ZNF804B: variants seen among roughly 807,000 people sequenced by gnomAD.
ZNF804B encodes zinc finger 804B.
ZNF804B carries 80 observed loss-of-function variants against 101.4 expected under a neutral mutation model. The observed-to-expected ratio is 0.79, with a 90% CI of 0.66 to 0.95. The LOEUF (loss-of-function observed/expected upper bound fraction) is 0.95, where lower values mean the gene tolerates loss of function less well. ZNF804B is among the 40% of genes least tolerant of loss of function. The probability of loss-of-function intolerance (pLI) is 0.00; values close to 1 mark genes in which losing one functional copy is unlikely to be tolerated. For synonymous variants in ZNF804B, 622 were observed against 558.8 expected (o/e 1.11, Z -1.59); for missense variants, 1,673 against 1,561.9 (o/e 1.07, Z -1.20).
chr7:89,200,739 C>T (rs772482201), intron 1 of ZNF804B, among the ~76,000 whole-genome samples: 1 of 151,906 alleles, frequency 6.6e-6, no homozygotes, highest in Non-Finnish European at 1.5e-5. Context: ...TTCTGTCCAC[C>T]GCCAACATAT....
intron 1 of ZNF804B, among the ~76,000 whole-genome samples, chr7:89,099,320 A>G (rs1241255586): frequency 6.6e-6 from 1 of 152,102 alleles, no homozygotes; most frequent in African/African-American, 2.4e-5. Context: ...ATACAAATAT[A>G]TAATAAAAGG....
At chr7:89,084,821 A>C (rs975840424) in intron 1 of ZNF804B, among the ~76,000 whole-genome samples, 1 of 151,818 alleles carries the variant, frequency 6.6e-6, no homozygotes, top group Non-Finnish European at 1.5e-5. Context: ...TATGATTTCT[A>C]TTTTTCACAT....
At chr7:89,035,881 T>TAATATA (rs1788917758) in intron 1 of ZNF804B, among the ~76,000 whole-genome samples, 1 of 146,096 alleles carries the variant, frequency 6.8e-6, no homozygotes, top group South Asian at 2.1e-4. Flanking sequence ...TATTATATAT[T>TAATATA]CATATACATT....
chr7:89,086,865 AT>A (rs1449881916), intron 1 of ZNF804B, among the ~76,000 whole-genome samples: 6 of 151,950 alleles, frequency 3.9e-5, no homozygotes. Flanking sequence ...ATAAAATTGA[AT>A]CTATACCTAA....
chr7:89,294,928 C>A (rs1364371608), intron 2 of ZNF804B, among the ~76,000 whole-genome samples: 1 of 152,062 alleles, frequency 6.6e-6, no homozygotes, highest in African/African-American at 2.4e-5. Flanking sequence ...TATCTAAGGA[C>A]ATTAATTATA....
At chr7:88,822,434 C>G (rs1032166539) in intron 1 of ZNF804B, among the ~76,000 whole-genome samples, 1 of 152,122 alleles carries the variant, frequency 6.6e-6, no homozygotes, top group African/African-American at 2.4e-5. Context: ...GCCCACAGGC[C>G]AGTTGGTGCT....
intron 1 of ZNF804B, among the ~76,000 whole-genome samples, chr7:88,877,063 T>TGAAAAAAAAAATA: frequency 1.6e-5 from 1 of 63,480 alleles, no homozygotes; most frequent in African/African-American, 8.1e-5. Context: ...TTTTTTTTTT[T>TGAAAAAAAAAATA]TTTTTTTTTT....
At chr7:88,901,559 C>A (rs998680001) in intron 1 of ZNF804B, among the ~76,000 whole-genome samples, 1 of 151,418 alleles carries the variant, frequency 6.6e-6, no homozygotes, top group Non-Finnish European at 1.5e-5. Context: ...ATCTGCAGTT[C>A]TCTTGATAAT....
chr7:88,916,544 T>A (rs1287835019), intron 1 of ZNF804B, among the ~76,000 whole-genome samples: 1 of 152,170 alleles, frequency 6.6e-6, no homozygotes, highest in East Asian at 1.9e-4. Flanking sequence ...TTGATGACAA[T>A]TAAGACTTAG....
intron 1 of ZNF804B, among the ~76,000 whole-genome samples, chr7:89,101,432 C>T (rs544929846): frequency 3.2e-4 from 49 of 151,926 alleles, no homozygotes; most frequent in African/African-American, 6.8e-4. Flanking sequence ...TGAACATAAA[C>T]GGCTACTCCT....
chr7:89,118,426 T>A (rs902187360), intron 1 of ZNF804B, among the ~76,000 whole-genome samples: 2 of 152,120 alleles, frequency 1.3e-5, no homozygotes, highest in African/African-American at 4.8e-5. Context: ...AAATTTTGAA[T>A]ACCAACACCT....
chr7:89,004,236 T>C (rs1788337236), intron 1 of ZNF804B, among the ~76,000 whole-genome samples: 1 of 151,838 alleles, frequency 6.6e-6, no homozygotes, highest in African/African-American at 2.4e-5. Context: ...TTAAAACAGC[T>C]ACCATTATAA....
chr7:89,128,557 G>A (rs1790505133), intron 1 of ZNF804B, among the ~76,000 whole-genome samples: 1 of 151,848 alleles, frequency 6.6e-6, no homozygotes, highest in Non-Finnish European at 1.5e-5. Flanking sequence ...AGCTCAGTCT[G>A]CATTTATTTT....
chr7:89,280,223 A>C (rs1790067677), intron 2 of ZNF804B, among the ~76,000 whole-genome samples: 1 of 152,020 alleles, frequency 6.6e-6, no homozygotes, highest in African/African-American at 2.4e-5. Context: ...GAACAAAGAC[A>C]CAACATACCA....
chr7:89,014,165 C>A (rs886205443), intron 1 of ZNF804B, among the ~76,000 whole-genome samples: 1 of 152,104 alleles, frequency 6.6e-6, no homozygotes, highest in Non-Finnish European at 1.5e-5. Flanking sequence ...TTTACATTCC[C>A]ACCCACAGTG....
Position 88,783,743 on chromosome 7 carries a change from C to T in ZNF804B, c.108+23659C>T, listed in dbSNP as rs186477626. On this transcript the variant is annotated intron_variant, in intron 1 of 3. Coordinates refer to ENST00000333190, the MANE Select transcript of ZNF804B (RefSeq NM_181646.5). ...ATCTTCCATCCTAAAAAACATGATA[C>T]GTTAGTTTATTCTAAGAAGTTACTG... 2.3e-4 allele frequency among the ~76,000 whole-genome samples: 35 copies of T among 152,046 alleles called. 1 individual carries two copies. The highest frequency in any genetic ancestry group is 1.9e-3 in the South Asian group (9 of 4,810).
intron 1 of ZNF804B, among the ~76,000 whole-genome samples, chr7:89,106,235 G>A: frequency 6.6e-6 from 1 of 152,140 alleles, no homozygotes; most frequent in East Asian, 1.9e-4. Context: ...TCAAAGATTT[G>A]TGATATATCA....
intron 1 of ZNF804B, among the ~76,000 whole-genome samples, chr7:88,843,791 A>C (rs996417296): frequency 6.6e-6 from 1 of 152,050 alleles, no homozygotes; most frequent in African/African-American, 2.4e-5. Context: ...TGTCAAACTT[A>C]TTGTATCTTA....
At chr7:88,837,161 A>G (rs767839662) in intron 1 of ZNF804B, among the ~76,000 whole-genome samples, 3 of 152,056 alleles carry the variant, frequency 2.0e-5, no homozygotes, top group East Asian at 1.9e-4. Context: ...CATGGTACAC[A>G]ATATATTTTT....
Sources: allele counts gnomAD v4.1 joint callset (sites outside exome capture counted in the v4.1 genomes callset), GRCh38; gene constraint gnomAD v4.1.1; transcripts MANE v1.5; gene names NCBI Gene and HGNC (gene_info 2026-07-23, HGNC 2026-07-21).